Variants in CRABP2 observed in about 807,000 individuals in gnomAD.
CRABP2 encodes cellular retinoic acid-binding protein 2.
In CRABP2, 20 loss-of-function variants were observed where a neutral mutation model predicts 17.9. That is an observed-to-expected ratio of 1.12 (90% CI 0.79 to 1.63). CRABP2 has a LOEUF of 1.63. Among genes scored for constraint, CRABP2 ranks in the 40% most tolerant of loss-of-function variants. The pLI, the probability that CRABP2 is intolerant of heterozygous loss-of-function variation, is 0.00. For missense variants in CRABP2, 151 were observed against 168.6 expected (o/e 0.90, Z 0.58); for synonymous variants, 76 against 66.4 (o/e 1.14, Z -0.70).
At chr1:156,703,216 C>CTT (rs1648092311) in intron 1 of CRABP2, among the ~76,000 whole-genome samples, 1 of 152,048 alleles carries the variant, frequency 6.6e-6, no homozygotes, top group East Asian at 1.9e-4. Context: ...GTGATGTATC[C>CTT]CCTTCTTCAG....
At position 156,700,083 on chromosome 1, in the gene CRABP2, G is replaced by A. The variant is rs779397616; in HGVS notation, c.367-7C>T. ...CGTCATCCGCCGTCATGGTCTGGAAGGACAGAAGTAGTTGTTAGCCTGAGA... is the reference window on the plus strand; with the variant it reads ...CGTCATCCGCCGTCATGGTCTGGAAAGACAGAAGTAGTTGTTAGCCTGAGA... On this transcript the variant is annotated splice_polypyrimidine_tract_variant and splice_region_variant and intron_variant, in intron 3 of 3. Coordinates refer to ENST00000368222, the MANE Select transcript of CRABP2 (RefSeq NM_001878.4). 6.2e-7 allele frequency: 1 copy of A among 1,613,224 alleles called. No homozygotes were observed. The highest frequency in any genetic ancestry group is 8.5e-7 in the Non-Finnish European group (1 of 1,179,580).
rs372160757 is a variant in CRABP2 at position 156,705,520 on chromosome 1, A to ACGTCGC, written c.-80_-75dup. On this transcript the variant is annotated 5_prime_UTR_variant, in exon 1 of 4. Coordinates refer to ENST00000368222, the MANE Select transcript of CRABP2 (RefSeq NM_001878.4). This position sits in a 1 kb window ranked among gnomAD's most constrained non-coding sequence, Gnocchi z 5.2. ...GGACACTGTCTTTTAGTCAAAAGAG[A>ACGTCGC]CGTCGCCGTCGCCGGGTCGTCAGGT... The ACGTCGC allele has an allele frequency of 1.7e-4, 258 of 1,548,256 alleles. 4 individuals carry two copies. In the East Asian group the frequency reaches 3.7e-3, roughly 22 times the overall value.
chr1:156,702,491 G>A (rs755606458), intron 1 of CRABP2, among the ~76,000 whole-genome samples: 2 of 151,516 alleles, frequency 1.3e-5, no homozygotes, highest in African/African-American at 2.4e-5. Flanking sequence ...AAACAAAAAC[G>A]ACCTGGCGCA....
rs200009443 is a variant in CRABP2, at chr1:156,700,005, C to T, written c.*21G>A. On this transcript the variant is annotated 3_prime_UTR_variant, in exon 4 of 4. Coordinates refer to ENST00000368222, the MANE Select transcript of CRABP2 (RefSeq NM_001878.4). The stretch of plus-strand genomic sequence containing the variant: ...AGCATGGCCAGTGGTGGGCTTCGGC[C>T]GCGGTTCTACCTGTGGCCACTCACT... 1.9e-4 allele frequency: 301 copies of T among 1,610,308 alleles called. 2 individuals carry two copies. In the East Asian group the frequency reaches 4.2e-3, roughly 22 times the overall value.
At position 156,705,012 on chromosome 1, in the gene CRABP2, A is replaced by G. The variant is rs578193006; in HGVS notation, c.70+365T>C. ...GGAACCGGGCTCCCAGTCTGGATGCAGGGTTCGTGGCTCCACCAGCCCGCA... is the reference window on the plus strand; with the variant it reads ...GGAACCGGGCTCCCAGTCTGGATGCGGGGTTCGTGGCTCCACCAGCCCGCA... On this transcript the variant is annotated intron_variant, in intron 1 of 3. Coordinates refer to ENST00000368222, the MANE Select transcript of CRABP2 (RefSeq NM_001878.4). This position sits in a 1 kb window ranked among gnomAD's most constrained non-coding sequence, Gnocchi z 5.2. Among the ~76,000 whole-genome samples, 6 of 152,278 alleles carry G rather than the reference A, an allele frequency of 3.9e-5. No individual in the cohort carries two copies. The East Asian group carries it at 5.8e-4, about 15-fold the overall frequency.
rs1414655554 is a variant in CRABP2, at chr1:156,699,946, G to A, written c.*80C>T. The A allele has an allele frequency of 2.8e-6, 4 of 1,439,418 alleles. No homozygotes were observed. The African/African-American group carries it at 4.2e-5, about 15-fold the overall frequency. 89.2% of individuals were successfully genotyped at this position (1,439,418 alleles called of 1,614,324 possible). ...GGGGAGCGCTATCCTAGAAGGAGGG[G>A]GTGGGACGGAGGGGGCAGTGAAGCA... On this transcript the variant is annotated 3_prime_UTR_variant, in exon 4 of 4. Transcript: ENST00000368222.
In CRABP2 at chr1:156,700,821, G is replaced by A; in HGVS notation, c.249+53C>T. On this transcript the variant is annotated intron_variant, in intron 2 of 3. Coordinates refer to ENST00000368222, the MANE Select transcript of CRABP2 (RefSeq NM_001878.4). ...TAACTGCTAGCCTGGAAAATGGCAG[G>A]TTGAGAGGCAGGGCAATGACGCCAT... 5.0e-6 allele frequency: 8 copies of A among 1,588,258 alleles called. No homozygotes were observed. The South Asian group carries it at 6.8e-5, about 13-fold the overall frequency.
chr1:156,705,573 AC>A lies in CRABP2; in HGVS notation c.-128del. 1 of 1,034,610 alleles carries A rather than the reference AC, an allele frequency of 9.7e-7. No homozygotes were observed. The highest frequency in any genetic ancestry group is 1.5e-6 in the Non-Finnish European group (1 of 688,576). The allele number at this position is 1,034,610 out of a possible 1,614,324, so 64.1% of individuals were successfully genotyped here. ...TGGAACCAAGACAAGTCCAGGGACA[AC>A]CCCAAAGCTGGCCTGGGCTCCCGCG... On this transcript the variant is annotated 5_prime_UTR_variant, in exon 1 of 4. Coordinates refer to ENST00000368222, the MANE Select transcript of CRABP2 (RefSeq NM_001878.4). This position sits in a 1 kb window ranked among gnomAD's most constrained non-coding sequence, Gnocchi z 5.2.
intron 1 of CRABP2, among the ~76,000 whole-genome samples, chr1:156,702,915 G>T (rs1250048640): frequency 6.6e-6 from 1 of 151,636 alleles, no homozygotes; most frequent in East Asian, 1.9e-4. Context: ...GAAGGCAAAG[G>T]GTCAGGTGCC....
At position 156,705,457 on chromosome 1, in the gene CRABP2, C is replaced by G. The variant is rs1341739974; in HGVS notation, c.-11G>C. 6.2e-7 allele frequency: 1 copy of G among 1,613,950 alleles called. No individual in the cohort carries two copies. Among genetic ancestry groups the G allele is most frequent in the Non-Finnish European group, 8.5e-7 (1 of 1,180,010 alleles). On this transcript the variant is annotated 5_prime_UTR_variant, in exon 1 of 4. Coordinates refer to ENST00000368222, the MANE Select transcript of CRABP2 (RefSeq NM_001878.4). This position sits in a 1 kb window ranked among gnomAD's most constrained non-coding sequence, Gnocchi z 5.2. ...AGAGAAGTTGGGCATGGTGGCGGCG[C>G]GGGAGGCGGTCCCCGTAGACTCCTA...
At chr1:156,701,944 G>A (rs1648050338) in intron 1 of CRABP2, among the ~76,000 whole-genome samples, 1 of 151,414 alleles carries the variant, frequency 6.6e-6, no homozygotes, top group Admixed American at 6.6e-5. Context: ...TTCGATACCA[G>A]CCTGGGCAAC....
rs563727473 is a variant in CRABP2, at chr1:156,705,122, T to C, written c.70+255A>G. On this transcript the variant is annotated intron_variant, in intron 1 of 3. Coordinates refer to ENST00000368222, the MANE Select transcript of CRABP2 (RefSeq NM_001878.4). The surrounding 1 kb of genome is among the most constrained non-coding windows in gnomAD (Gnocchi z 5.2). Reference sequence around the variant, plus strand: ...CCTCCCCTTCCCCCAGAGGCCAACCTCGCGCTTCTGGTTTCTACGTGATTC... The same window carrying C: ...CCTCCCCTTCCCCCAGAGGCCAACCCCGCGCTTCTGGTTTCTACGTGATTC... Among the ~76,000 whole-genome samples the C allele has an allele frequency of 2.6e-5, 4 of 152,172 alleles. No homozygotes were observed. The East Asian group carries it at 7.7e-4, about 29-fold the overall frequency.
intron 3 of CRABP2, 109 bp from the exon 4 acceptor site, chr1:156,700,185 T>C: frequency 8.8e-7 from 1 of 1,141,920 alleles, no homozygotes; most frequent in Non-Finnish European, 1.3e-6. Flanking sequence ...CCAAACCTGC[T>C]TCTTGGCTCA....
Position 156,703,755 on chromosome 1 carries a change from T to C in CRABP2, c.70+1622A>G, listed in dbSNP as rs562157313. ...AGAAATGACAGGTCCCCAAGTCTTA[T>C]TGAGATGGACCCTTGACTAGAGCTA... On this transcript the variant is annotated intron_variant, in intron 1 of 3. Coordinates refer to ENST00000368222, the MANE Select transcript of CRABP2 (RefSeq NM_001878.4). Among the ~76,000 whole-genome samples the C allele has an allele frequency of 6.6e-5, 10 of 152,238 alleles. No individual in the cohort carries two copies. The South Asian group carries it at 1.0e-3, about 16-fold the overall frequency.
intron 1 of CRABP2, among the ~76,000 whole-genome samples, chr1:156,702,712 T>C (rs1288692980): frequency 7.0e-6 from 1 of 142,570 alleles, no homozygotes; most frequent in Admixed American, 7.3e-5. Context: ...ACGGAGGTTG[T>C]GGTGAGCCAA....
In CRABP2 at chr1:156,700,629, T is replaced by C. The variant is rs1158774722; in HGVS notation, c.279A>G (p.Lys93=). 1.2e-6 allele frequency: 2 copies of C among 1,613,992 alleles called. No homozygotes were observed. Among genetic ancestry groups the C allele is most frequent in the African/African-American group, 2.7e-5 (2 of 74,908 alleles). ...TCAGGAGCTTCTGCTCACAGACCATTTTATTCTCACTCTCCCATTTCACCA... is the reference window on the plus strand; with the variant it reads ...TCAGGAGCTTCTGCTCACAGACCATCTTATTCTCACTCTCCCATTTCACCA... ...KSLVKWESEN[K]MVCEQKLLKG... The change falls in exon 3 of 4, where the codon AAA becomes AAG. Residue 93 remains lysine (K), a synonymous_variant. Transcript: ENST00000368222.
At position 156,700,560 on chromosome 1, in the gene CRABP2, G is replaced by A. The variant is rs373532797; in HGVS notation, c.348C>T (p.Asn116=). ...GACTTACCAGGATCAGTTCCCCATC[G>A]TTGGTCAGTTCTCTGGTCCACGAGG... ...PKTSWTRELT[N]DGELILTMTA... is the part of the protein sequence containing the mutation. The change falls in exon 3 of 4, where the codon AAC becomes AAT. Residue 116 remains asparagine (N), a synonymous_variant. Coordinates refer to ENST00000368222, the MANE Select transcript of CRABP2 (RefSeq NM_001878.4). 24 of 1,613,758 alleles carry A rather than the reference G, an allele frequency of 1.5e-5. No homozygotes were observed. Among genetic ancestry groups the A allele is most frequent in the South Asian group, 3.3e-5 (3 of 91,078 alleles).
At position 156,699,842 on chromosome 1, in the gene CRABP2, T is replaced by G; in HGVS notation, c.*184A>C. On this transcript the variant is annotated 3_prime_UTR_variant, in exon 4 of 4. Coordinates refer to ENST00000368222, the MANE Select transcript of CRABP2 (RefSeq NM_001878.4). Reference sequence around the variant, plus strand: ...TTGCAGCCATTCCTCTTTGTTGGTGTAGGGGAGGAGAGAAGAGGTCAAAGA... The same window carrying G: ...TTGCAGCCATTCCTCTTTGTTGGTGGAGGGGAGGAGAGAAGAGGTCAAAGA... 1 of 588,506 alleles carries G rather than the reference T, an allele frequency of 1.7e-6. No homozygotes were observed. The highest frequency in any genetic ancestry group is 3.0e-6 in the Non-Finnish European group (1 of 331,742). 36.5% of individuals were successfully genotyped at this position (588,506 alleles called of 1,614,324 possible). A position where few individuals can be genotyped will look rare whatever the true frequency, so the allele number is the denominator to read the frequency against.
At chr1:156,700,769 C>T in intron 2 of CRABP2, 105 bp downstream of exon 2, 1 of 1,525,266 alleles carries the variant, frequency 6.6e-7, no homozygotes, top group Non-Finnish European at 9.0e-7. Context: ...GGGATTTTCC[C>T]TACTGGGACA....
Sources: allele counts gnomAD v4.1 joint callset (sites outside exome capture counted in the v4.1 genomes callset), GRCh38; gene constraint gnomAD v4.1.1; non-coding constraint Gnocchi (gnomAD v3.1); transcripts MANE v1.5; gene names NCBI Gene and HGNC (gene_info 2026-07-23, HGNC 2026-07-21).